The following EXD3 variants were observed in gnomAD, a reference collection of about 807,000 sequenced individuals.
EXD3 encodes the protein exonuclease 3'-5' domain containing 3, also known as exonuclease mut-7 homolog.
In EXD3, 92 loss-of-function variants were observed where a neutral mutation model predicts 98.0. That is an observed-to-expected ratio of 0.94 (90% CI 0.79 to 1.12). The LOEUF is 1.12. EXD3 is among the 50% of genes most tolerant of loss of function. EXD3 has a pLI of 0.00. For missense variants in EXD3, 1,222 were observed against 1,191.6 expected, an observed-to-expected ratio of 1.03 and a Z score of -0.38; for synonymous variants, 569 against 526.0, an observed-to-expected ratio of 1.08 and a Z score of -1.12.
intron 16 of EXD3, among the ~76,000 whole-genome samples, chr9:137,348,623 CAG>C (rs141572869): frequency 0.02 from 726 of 37,114 alleles, 32 homozygotes; most frequent in African/African-American, 0.064. Context: ...GGGGGTTAGA[CAG>C]AGAGGGGTGG....
At position 137,349,757 on chromosome 9, in the gene EXD3, T is replaced by A. The variant is rs1460772281; in HGVS notation, c.1495-226A>T. Among the ~76,000 whole-genome samples the A allele has an allele frequency of 1.3e-5, 2 of 152,060 alleles. No individual in the cohort carries two copies. Among genetic ancestry groups the A allele is most frequent in the African/African-American group, 4.8e-5 (2 of 41,488 alleles). ...ACACCAGGGCCAGCTCCGGGGGCCCTGGTCAGCAGTCCCACGGTAACCCCG... is the reference window on the plus strand; with the variant it reads ...ACACCAGGGCCAGCTCCGGGGGCCCAGGTCAGCAGTCCCACGGTAACCCCG... On this transcript the variant is annotated intron_variant, in intron 14 of 21. Coordinates refer to ENST00000340951, the MANE Select transcript of EXD3 (RefSeq NM_017820.5). This position sits in a 1 kb window ranked among gnomAD's most constrained non-coding sequence, Gnocchi z 7.4.
intron 3 of EXD3, among the ~76,000 whole-genome samples, chr9:137,376,094 C>T (rs1321288804): frequency 6.6e-6 from 1 of 152,046 alleles, no homozygotes; most frequent in Admixed American, 6.6e-5. Flanking sequence ...CCTGTAATCC[C>T]AGCACTTTGG....
At chr9:137,340,189 T>C (rs1202126670) in intron 17 of EXD3, among the ~76,000 whole-genome samples, 1 of 152,170 alleles carries the variant, frequency 6.6e-6, no homozygotes, top group Non-Finnish European at 1.5e-5. Flanking sequence ...TAAATGTGTT[T>C]GAAAGAGGCG....
chr9:137,338,234 T>C (rs1040022847), intron 17 of EXD3, among the ~76,000 whole-genome samples: 1 of 152,152 alleles, frequency 6.6e-6, no homozygotes, highest in African/African-American at 2.4e-5. Context: ...TTTAAGAAGA[T>C]AACTAAAAAG....
At chr9:137,377,492 G>A (rs1835970838) in intron 3 of EXD3, among the ~76,000 whole-genome samples, 1 of 147,054 alleles carries the variant, frequency 6.8e-6, no homozygotes, top group South Asian at 2.1e-4. Flanking sequence ...AAGGACCTAA[G>A]GCTGGGTGTG....
intron 5 of EXD3, among the ~76,000 whole-genome samples, chr9:137,372,243 T>C (rs1279658919): frequency 6.6e-6 from 1 of 152,202 alleles, no homozygotes; most frequent in Non-Finnish European, 1.5e-5. Flanking sequence ...ATCCGACGCA[T>C]CTCGCACCTG....
intron 3 of EXD3, among the ~76,000 whole-genome samples, chr9:137,377,785 T>C (rs1005287084): frequency 2.7e-5 from 4 of 148,564 alleles, no homozygotes; most frequent in Non-Finnish European, 5.9e-5. Context: ...AAATAGTCGT[T>C]GAATTTTTTT....
intron 1 of EXD3, among the ~76,000 whole-genome samples, chr9:137,399,501 C>T (rs758926173): frequency 1.8e-4 from 27 of 152,206 alleles, no homozygotes; most frequent in Non-Finnish European, 3.8e-4. Flanking sequence ...AGGTTCATTT[C>T]TGCTATCACA....
intron 21 of EXD3, 47 bp downstream of exon 21, chr9:137,307,561 G>A: frequency 6.2e-7 from 1 of 1,601,908 alleles, no homozygotes; most frequent in Non-Finnish European, 8.5e-7. Context: ...TGGCACCAGG[G>A]CCGCAGAGAA....
chr9:137,349,475 G>T lies in EXD3; in HGVS notation c.1551C>A (p.Gly517=). 1 of 1,604,138 alleles carries T rather than the reference G, an allele frequency of 6.2e-7. No homozygotes were observed. ...PAVDRARELR[G]LSLLVQQVLG... ...GCACCTGCTGCACCAGGAGGCTCAGGCCCCTCAGCTCCCTGGCCCTGTCCA... is the reference window on the plus strand; with the variant it reads ...GCACCTGCTGCACCAGGAGGCTCAGTCCCCTCAGCTCCCTGGCCCTGTCCA... The change falls in exon 15 of 22, where the codon GGC becomes GGA. Residue 517 remains glycine (G), a synonymous_variant. Coordinates refer to ENST00000340951, the MANE Select transcript of EXD3 (RefSeq NM_017820.5). This position sits in a 1 kb window ranked among gnomAD's most constrained non-coding sequence, Gnocchi z 7.4.
intron 7 of EXD3, among the ~76,000 whole-genome samples, chr9:137,363,031 G>A (rs1835062799): frequency 6.6e-6 from 1 of 151,768 alleles, no homozygotes; most frequent in Admixed American, 6.6e-5. Context: ...GGCTGGTCTT[G>A]AACTCCTGAC....
intron 19 of EXD3, 28 bp downstream of exon 19, chr9:137,323,697 C>G: frequency 3.1e-6 from 5 of 1,607,610 alleles, no homozygotes; most frequent in Non-Finnish European, 4.2e-6. Context: ...GTGCCAGCCC[C>G]AGGTAGGACG....
Position 137,349,248 on chromosome 9 carries a change from TTGG to T in EXD3, c.1689_1691del (p.His563del), listed in dbSNP as rs1460157212. The T allele has an allele frequency of 6.4e-7, 1 of 1,573,770 alleles. No individual in the cohort carries two copies. Among genetic ancestry groups the T allele is most frequent in the Non-Finnish European group, 8.6e-7 (1 of 1,166,830 alleles). On this transcript the variant is annotated inframe_deletion, in exon 16 of 22. Transcript: ENST00000340951. This position sits in a 1 kb window ranked among gnomAD's most constrained non-coding sequence, Gnocchi z 7.4. ...AGCGGGCGGGCTCTCTGCACAGGGC[TTGG>T]TGCACCTCCAGCAGGCAGTAGGCGT...
At chr9:137,320,788 G>T (rs578064900) in intron 19 of EXD3, among the ~76,000 whole-genome samples, 1 of 152,182 alleles carries the variant, frequency 6.6e-6, no homozygotes, top group Admixed American at 6.5e-5. Flanking sequence ...TCCAGCAGGG[G>T]TTTCCTCCCA....
In EXD3 at chr9:137,326,623, C is replaced by T. The variant is rs1450791689; in HGVS notation, c.1999-2480G>A. Among the ~76,000 whole-genome samples the T allele has an allele frequency of 3.9e-5, 6 of 152,240 alleles. No individual in the cohort carries two copies. The South Asian group carries it at 1.0e-3, about 26-fold the overall frequency. ...ACATGAAAAGATGCTCTACATTATT[C>T]GTCATGAGCGACATGCAAATAAAAA... is the stretch of plus-strand genomic sequence containing the variant. On this transcript the variant is annotated intron_variant, in intron 17 of 21. Coordinates refer to ENST00000340951, the MANE Select transcript of EXD3 (RefSeq NM_017820.5).
intron 6 of EXD3, 79 bp from the exon 7 acceptor site, chr9:137,366,711 G>T: frequency 6.7e-7 from 1 of 1,490,366 alleles, no homozygotes; most frequent in Non-Finnish European, 9.0e-7. Context: ...CAGAGGGAGC[G>T]GCCAAAGTGT....
rs377388929 is a variant in EXD3 at position 137,356,323 on chromosome 9, C to G, written c.702G>C (p.Pro234=). 1.9e-6 allele frequency: 3 copies of G among 1,604,642 alleles called. No homozygotes were observed. Among genetic ancestry groups the G allele is most frequent in the East Asian group, 2.2e-5 (1 of 44,608 alleles). ...GCAAGACCTGCCTGCTCAGCGCCTTCGGACTCAGCTTCTCCAGGCTCAAGG... is the reference window on the plus strand; with the variant it reads ...GCAAGACCTGCCTGCTCAGCGCCTTGGGACTCAGCTTCTCCAGGCTCAAGG... The part of the protein sequence containing the change: ...VTSLSLEKLS[P]KALSRQVLRL... The change falls in exon 8 of 22, where the codon CCG becomes CCC. Residue 234 remains proline (P), a synonymous_variant. Coordinates refer to ENST00000340951, the MANE Select transcript of EXD3 (RefSeq NM_017820.5).
rs765625946 is a variant in EXD3 at position 137,361,485 on chromosome 9, T to C, written c.656+5008A>G. Among the ~76,000 whole-genome samples the C allele has an allele frequency of 1.1e-4, 8 of 70,244 alleles. 2 individuals carry two copies. Among genetic ancestry groups the C allele is most frequent in the Non-Finnish European group, 2.8e-4 (8 of 28,280 alleles). The allele number at this position is 70,244 out of a possible 152,430, so 46.1% of individuals were successfully genotyped here. A position where few individuals can be genotyped will look rare whatever the true frequency, so the allele number is the denominator to read the frequency against. ...AAGTTAGGCCGGGCACTGTGGCTCA[T>C]GCCTGTAATCCCAGCACTTTGGGAG... On this transcript the variant is annotated intron_variant, in intron 7 of 21. Coordinates refer to ENST00000340951, the MANE Select transcript of EXD3 (RefSeq NM_017820.5).
rs771994463 is a variant in EXD3 at position 137,373,030 on chromosome 9, CT to C, written c.336del (p.Val113SerfsTer50). ...RLKQLQARAVKVLTESPPSLA... is the reference protein window; with the variant it reads ...RLKQLQARAVXVLTESPPSLA... ...AGGCTGGGGGGGCTCTCAGTGAGGACTTTGACCGCTCGGGCCTGCAGCTGCT... is the reference window on the plus strand; with the variant it reads ...AGGCTGGGGGGGCTCTCAGTGAGGACTTGACCGCTCGGGCCTGCAGCTGCT... On this transcript the variant is annotated frameshift_variant, in exon 5 of 22. Coordinates refer to ENST00000340951, the MANE Select transcript of EXD3 (RefSeq NM_017820.5). LOFTEE classifies it high-confidence loss of function. 6.2e-7 allele frequency: 1 copy of C among 1,602,498 alleles called. No homozygotes were observed. The highest frequency in any genetic ancestry group is 2.2e-5 in the East Asian group (1 of 44,836).
Sources: gnomAD v4.1 joint callset for allele counts (sites outside exome capture counted in the v4.1 genomes callset) on GRCh38, gnomAD v4.1.1 for gene constraint, Gnocchi (gnomAD v3.1) non-coding constraint, MANE v1.5 for transcripts, NCBI Gene and HGNC (gene_info 2026-07-23, HGNC 2026-07-21) for gene names.